Variants in LAMA4 observed in about 807,000 individuals in gnomAD.
LAMA4 encodes the protein laminin subunit alpha-4.
Under a neutral mutation model 207.1 loss-of-function variants are expected in LAMA4, and 127 were observed. The ratio of observed to expected loss-of-function variants is 0.61; its 90% CI spans 0.53 to 0.71. LAMA4 has a LOEUF of 0.71. LAMA4 is among the 30% of genes least tolerant of loss of function. LAMA4 has a pLI of 0.00. For missense variants in LAMA4, 2,093 were observed against 2,246.5 expected, an observed-to-expected ratio of 0.93 and a Z score of 1.38; for synonymous variants, 761 against 816.0, an observed-to-expected ratio of 0.93 and a Z score of 1.15.
chr6:112,156,565 T>C (rs920903265), intron 14 of LAMA4, among the ~76,000 whole-genome samples: 1 of 152,214 alleles, frequency 6.6e-6, no homozygotes, highest in Non-Finnish European at 1.5e-5. Flanking sequence ...CCGCAGTTCG[T>C]CTAAATCCTT....
chr6:112,214,704 T>C (rs1784530833), intron 3 of LAMA4, among the ~76,000 whole-genome samples: 1 of 152,222 alleles, frequency 6.6e-6, no homozygotes, highest in Admixed American at 6.5e-5. Flanking sequence ...GGAGGAATGT[T>C]GGCAGCTTCA....
intron 12 of LAMA4, among the ~76,000 whole-genome samples, chr6:112,168,042 C>T (rs1450207898): frequency 6.6e-6 from 1 of 151,766 alleles, no homozygotes; most frequent in Non-Finnish European, 1.5e-5. Context: ...ACTAAAAATA[C>T]AAAAAATTAG....
At position 112,178,102 on chromosome 6, in the gene LAMA4, C is replaced by G; in HGVS notation, c.1189+19G>C. ...GTGTTTCCTTGATATTAAACTGAAC[C>G]AGAAGAGAATATATTTACCTTGGAT... On this transcript the variant is annotated intron_variant, in intron 10 of 38. Transcript: ENST00000230538. 6.6e-7 allele frequency: 1 copy of G among 1,519,754 alleles called. No individual in the cohort carries two copies. The highest frequency in any genetic ancestry group is 9.1e-7 in the Non-Finnish European group (1 of 1,094,014). The allele number at this position is 1,519,754 out of a possible 1,614,324, so 94.1% of individuals were successfully genotyped here. A position where few individuals can be genotyped will look rare whatever the true frequency, so the allele number is the denominator to read the frequency against.
intron 23 of LAMA4, 101 bp downstream of exon 23, chr6:112,139,651 C>T (rs1779567434): frequency 3.5e-6 from 5 of 1,443,436 alleles, no homozygotes; most frequent in Non-Finnish European, 4.9e-6. Context: ...AACTGGCTTC[C>T]CCAAAGAAAA....
chr6:112,216,234 G>A, intron 3 of LAMA4, 134 bp downstream of exon 3: 1 of 716,868 alleles, frequency 1.4e-6, no homozygotes, highest in Non-Finnish European at 2.6e-6. Context: ...CACAGGAAAA[G>A]CTGAAGGGTG....
intron 5 of LAMA4, among the ~76,000 whole-genome samples, chr6:112,198,874 C>A (rs1783571654): frequency 6.6e-6 from 1 of 152,124 alleles, no homozygotes; most frequent in African/African-American, 2.4e-5. Context: ...GCAGTATTAT[C>A]TCATAACAGT....
intron 13 of LAMA4, among the ~76,000 whole-genome samples, chr6:112,160,072 G>T (rs1466573848): frequency 5.3e-5 from 8 of 152,142 alleles, no homozygotes; most frequent in Admixed American, 2.6e-4. Flanking sequence ...CTGCTGCTTA[G>T]CTGCTTCAGA....
intron 2 of LAMA4, among the ~76,000 whole-genome samples, chr6:112,231,898 C>A (rs903067302): frequency 6.6e-6 from 1 of 152,142 alleles, no homozygotes; most frequent in African/African-American, 2.4e-5. Context: ...CCGTTCCAAA[C>A]TTAGGATTGT....
chr6:112,215,114 T>C (rs1784557489), intron 3 of LAMA4, among the ~76,000 whole-genome samples: 1 of 152,186 alleles, frequency 6.6e-6, no homozygotes, highest in Non-Finnish European at 1.5e-5. Flanking sequence ...CAAATGTCAC[T>C]GGGATTAAAA....
In LAMA4 at chr6:112,129,084, G is replaced by A; in HGVS notation, c.4134-9C>T. 6.2e-7 allele frequency: 1 copy of A among 1,603,368 alleles called. No homozygotes were observed. Among genetic ancestry groups the A allele is most frequent in the Non-Finnish European group, 8.5e-7 (1 of 1,170,794 alleles). On this transcript the variant is annotated splice_polypyrimidine_tract_variant and intron_variant, in intron 30 of 38. Transcript: ENST00000230538. Reference sequence around the variant, plus strand: ...CCACATCTCTATCCACCCTGTGTTTGTAACAGAGGAAAAAATAAATATTAA... The same window carrying A: ...CCACATCTCTATCCACCCTGTGTTTATAACAGAGGAAAAAATAAATATTAA...
At chr6:112,196,742 C>G (rs1554350612) in intron 5 of LAMA4, among the ~76,000 whole-genome samples, 1 of 152,152 alleles carries the variant, frequency 6.6e-6, no homozygotes, top group Non-Finnish European at 1.5e-5. Context: ...GGGGGTAAAA[C>G]AGGGCAAGGA....
Position 112,206,073 on chromosome 6 carries a change from C to T in LAMA4, c.422+948G>A, listed in dbSNP as rs1196890465. Among the ~76,000 whole-genome samples the T allele has an allele frequency of 3.9e-5, 6 of 152,152 alleles. No individual in the cohort carries two copies. The East Asian group carries it at 9.6e-4, about 24-fold the overall frequency. On this transcript the variant is annotated intron_variant, in intron 4 of 38. Transcript: ENST00000230538. ...CCATGTAGCTCTTTTGGAGTTGTAACCTTTTAACAAACTGACAGTCATAAG... is the reference window on the plus strand; with the variant it reads ...CCATGTAGCTCTTTTGGAGTTGTAATCTTTTAACAAACTGACAGTCATAAG...
intron 24 of LAMA4, among the ~76,000 whole-genome samples, chr6:112,138,251 A>G (rs1309796783): frequency 6.6e-6 from 1 of 152,186 alleles, no homozygotes; most frequent in Non-Finnish European, 1.5e-5. Flanking sequence ...TCAAATCTCA[A>G]AGACAACCTT....
chr6:112,218,524 C>T (rs535460894), intron 2 of LAMA4: 4 of 152,210 alleles, frequency 2.6e-5, no homozygotes, highest in Admixed American at 1.3e-4. Context: ...ATTGGGAGCC[C>T]ACAGAATATA....
chr6:112,164,577 T>G (rs183756288), intron 13 of LAMA4, among the ~76,000 whole-genome samples: 74 of 152,296 alleles, frequency 4.9e-4, no homozygotes, highest in Middle Eastern at 3.4e-3. Context: ...GAAAGACAGT[T>G]TGGTGCTGAA....
chr6:112,240,976 A>G (rs1786382294), intron 2 of LAMA4, among the ~76,000 whole-genome samples: 1 of 150,394 alleles, frequency 6.6e-6, no homozygotes, highest in Non-Finnish European at 1.5e-5. Context: ...AACTGAGGTC[A>G]TGTTTTTACT....
intron 2 of LAMA4, 75 bp from the exon 3 acceptor site, chr6:112,216,544 G>C: frequency 1.0e-6 from 1 of 953,786 alleles, no homozygotes; most frequent in Non-Finnish European, 1.7e-6. Context: ...GAAGAAATCA[G>C]AGAAAGTGAT....
At chr6:112,172,482 C>T in intron 12 of LAMA4, 129 bp downstream of exon 12, 1 of 846,956 alleles carries the variant, frequency 1.2e-6, no homozygotes. Context: ...CCAAAAAACA[C>T]ACCAATATTT....
intron 32 of LAMA4, 160 bp downstream of exon 32, chr6:112,121,854 T>G (rs187167636): frequency 1.5e-6 from 1 of 659,308 alleles, no homozygotes; most frequent in African/African-American, 1.8e-5. Flanking sequence ...ATTCTTTTGA[T>G]AGCATAAATC....
Sources: allele counts gnomAD v4.1 joint callset (sites outside exome capture counted in the v4.1 genomes callset), GRCh38; gene constraint gnomAD v4.1.1; transcripts MANE v1.5; gene names NCBI Gene and HGNC (gene_info 2026-07-23, HGNC 2026-07-21).